The following SLC36A4 variants were observed in gnomAD, a reference collection of about 807,000 sequenced individuals.
The protein encoded by SLC36A4 is solute carrier family 36 member 4.
A neutral mutation model predicts 50.5 loss-of-function variants in SLC36A4; 49 were observed. That is an observed-to-expected ratio of 0.97 (90% CI 0.77 to 1.23). The LOEUF (loss-of-function observed/expected upper bound fraction) is 1.23, where lower values mean the gene tolerates loss of function less well. SLC36A4 is among the 50% of genes most tolerant of loss of function. The probability of loss-of-function intolerance (pLI) is 0.00; values close to 1 mark genes in which losing one functional copy is unlikely to be tolerated. For missense variants in SLC36A4, 611 were observed against 608.4 expected, an observed-to-expected ratio of 1.00 and a Z score of -0.05; for synonymous variants, 207 against 206.5, an observed-to-expected ratio of 1.00 and a Z score of -0.02.
intron 2 of SLC36A4, chr11:93,185,239 T>G (rs1861931703): frequency 1.3e-5 from 2 of 152,586 alleles, no homozygotes; most frequent in African/African-American, 2.4e-5. Flanking sequence ...TCTTCTTTTC[T>G]GATCAATTGC....
chr11:93,173,275 C>T (rs987154396), intron 6 of SLC36A4, among the ~76,000 whole-genome samples: 1 of 150,138 alleles, frequency 6.7e-6, no homozygotes, highest in Non-Finnish European at 1.5e-5. Context: ...TGTCCTTCGC[C>T]CACTTTTTGA....
intron 1 of SLC36A4, chr11:93,197,421 AATG>A (rs1486815444): frequency 2.7e-6 from 1 of 371,612 alleles, no homozygotes; most frequent in Non-Finnish European, 4.9e-6. Flanking sequence ...AAAGCAGAAC[AATG>A]ATAACTTCCT....
In SLC36A4 at chr11:93,148,970, A is replaced by G. The variant is rs572809882; in HGVS notation, c.1208-126T>C. 1.6e-5 allele frequency: 17 copies of G among 1,031,716 alleles called. No homozygotes were observed. The African/African-American group carries it at 2.6e-4, about 16-fold the overall frequency. The allele number at this position is 1,031,716 out of a possible 1,614,324, so 63.9% of individuals were successfully genotyped here. A position where few individuals can be genotyped will look rare whatever the true frequency, so the allele number is the denominator to read the frequency against. On this transcript the variant is annotated intron_variant, in intron 10 of 10. Transcript: ENST00000326402. ...TAATTAATGAAAGTTGAACTACTAAACTATTGCTTGTGAAAAAAATCTGCC... is the reference window on the plus strand; with the variant it reads ...TAATTAATGAAAGTTGAACTACTAAGCTATTGCTTGTGAAAAAAATCTGCC...
intron 10 of SLC36A4, among the ~76,000 whole-genome samples, chr11:93,153,644 A>AT (rs1422523577): frequency 6.6e-6 from 1 of 152,120 alleles, no homozygotes; most frequent in Non-Finnish European, 1.5e-5. Context: ...AAAAGATTAT[A>AT]TACACTTCTT....
At chr11:93,183,216 A>C (rs1433864507) in intron 3 of SLC36A4, among the ~76,000 whole-genome samples, 2 of 152,206 alleles carry the variant, frequency 1.3e-5, no homozygotes. Flanking sequence ...CCACCATTAT[A>C]ATTATATGCA....
chr11:93,156,500 AC>A (rs1176149399), intron 9 of SLC36A4, among the ~76,000 whole-genome samples: 1 of 150,208 alleles, frequency 6.7e-6, no homozygotes, highest in Admixed American at 6.6e-5. Context: ...GCTCACTGCA[AC>A]CTCCACCTCC....
intron 6 of SLC36A4, among the ~76,000 whole-genome samples, chr11:93,173,272 C>T (rs369287225): frequency 3.9e-4 from 58 of 150,020 alleles, no homozygotes; most frequent in Non-Finnish European, 7.3e-4. Context: ...TCATGTCCTT[C>T]GCCCACTTTT....
intron 1 of SLC36A4, 76 bp downstream of exon 1, chr11:93,197,702 G>A (rs955463242): frequency 1.4e-5 from 21 of 1,476,352 alleles, no homozygotes; most frequent in East Asian, 2.5e-5. Flanking sequence ...GGCCCCTGGA[G>A]GTGTGGGCGC....
At chr11:93,180,762 G>C (rs1191709794) in intron 6 of SLC36A4, 35 bp downstream of exon 6, 1 of 1,472,120 alleles carries the variant, frequency 6.8e-7, no homozygotes, top group African/African-American at 1.4e-5. Context: ...GGCTTTAGAA[G>C]AAAATGATTT....
chr11:93,192,335 G>C (rs973972904), intron 1 of SLC36A4, among the ~76,000 whole-genome samples: 2 of 152,112 alleles, frequency 1.3e-5, no homozygotes, highest in African/African-American at 4.8e-5. Context: ...AGTCTGGTGT[G>C]CTTAAGGAAC....
intron 8 of SLC36A4, among the ~76,000 whole-genome samples, chr11:93,165,379 G>T (rs1471547343): frequency 6.6e-6 from 1 of 152,060 alleles, no homozygotes; most frequent in African/African-American, 2.4e-5. Context: ...CTTGGTATTA[G>T]CTTTATAACA....
At chr11:93,155,095 G>A (rs1860289407) in intron 9 of SLC36A4, 1 of 152,102 alleles carries the variant, frequency 6.6e-6, no homozygotes. Flanking sequence ...AAACAGAATT[G>A]TAGGACCTAG....
At chr11:93,165,216 G>C (rs1001454262) in intron 8 of SLC36A4, among the ~76,000 whole-genome samples, 1 of 152,098 alleles carries the variant, frequency 6.6e-6, no homozygotes, top group African/African-American at 2.4e-5. Flanking sequence ...TCCCATACCA[G>C]ATCATCAGAC....
intron 7 of SLC36A4, chr11:93,167,532 C>G (rs912647663): frequency 3.2e-5 from 5 of 154,668 alleles, no homozygotes; most frequent in African/African-American, 1.2e-4. Flanking sequence ...TGGCAGTGGA[C>G]TGAAGCAGTG....
At chr11:93,165,612 T>C (rs1025497853) in intron 8 of SLC36A4, among the ~76,000 whole-genome samples, 2 of 152,148 alleles carry the variant, frequency 1.3e-5, no homozygotes, top group Non-Finnish European at 2.9e-5. Flanking sequence ...TTCATTATAC[T>C]ACTCTCTAAA....
intron 8 of SLC36A4, among the ~76,000 whole-genome samples, chr11:93,163,145 C>T (rs1489552626): frequency 6.6e-6 from 1 of 151,798 alleles, no homozygotes; most frequent in Non-Finnish European, 1.5e-5. Context: ...TTTAGATTTA[C>T]AGAAAAGTTA....
chr11:93,153,950 A>C (rs1860224962), intron 10 of SLC36A4, 158 bp downstream of exon 10: 1 of 369,010 alleles, frequency 2.7e-6, no homozygotes, highest in Admixed American at 4.6e-5. Flanking sequence ...ATTGAATTTT[A>C]ACCTGAAAAG....
intron 6 of SLC36A4, among the ~76,000 whole-genome samples, chr11:93,174,836 T>A (rs1211754654): frequency 9.5e-6 from 1 of 104,864 alleles, no homozygotes; most frequent in African/African-American, 3.1e-5. Context: ...GATGTGCTGC[T>A]GGATTTGGTT....
rs1207484619 is a variant in SLC36A4, at chr11:93,166,231, A to G, written c.769-215T>C. The G allele has an allele frequency of 2.1e-5, 27 of 1,283,832 alleles. No homozygotes were observed. The East Asian group carries it at 7.7e-4, about 37-fold the overall frequency. The allele number at this position is 1,283,832 out of a possible 1,614,324, so 79.5% of individuals were successfully genotyped here. A position where few individuals can be genotyped will look rare whatever the true frequency, so the allele number is the denominator to read the frequency against. Reference sequence around the variant, plus strand: ...AAAAGCAATTGTTTCCCTCATGCCCATACATTCCATCTGAGCAAAATGCTC... The same window carrying G: ...AAAAGCAATTGTTTCCCTCATGCCCGTACATTCCATCTGAGCAAAATGCTC... On this transcript the variant is annotated intron_variant, in intron 7 of 10. Transcript: ENST00000326402.
Sources: allele counts gnomAD v4.1 joint callset (sites outside exome capture counted in the v4.1 genomes callset), GRCh38; gene constraint gnomAD v4.1.1; transcripts MANE v1.5; gene names NCBI Gene and HGNC (gene_info 2026-07-23, HGNC 2026-07-21).